The following ITGB3BP variants were observed in gnomAD, a reference collection of about 807,000 sequenced individuals.
ITGB3BP encodes the protein integrin subunit beta 3 binding protein.
In ITGB3BP, 27 loss-of-function variants were observed where a neutral mutation model predicts 29.1. The ratio of observed to expected loss-of-function variants is 0.93; its 90% CI spans 0.68 to 1.28. The LOEUF is 1.28. Among genes scored for constraint, ITGB3BP ranks in the 50% most tolerant of loss-of-function variants. The pLI is 0.00. For missense variants in ITGB3BP, 192 were observed against 200.2 expected (o/e 0.96, Z 0.25); for synonymous variants, 61 against 61.4 (o/e 0.99, Z 0.03).
At chr1:63,455,721 T>TA (rs1644925108) in intron 4 of ITGB3BP, among the ~76,000 whole-genome samples, 1 of 152,176 alleles carries the variant, frequency 6.6e-6, no homozygotes, top group Admixed American at 6.5e-5. Flanking sequence ...CATTCCCTTA[T>TA]TGTTAAAATT....
intron 7 of ITGB3BP, among the ~76,000 whole-genome samples, chr1:63,451,121 T>C (rs1276689062): frequency 1.3e-5 from 2 of 151,870 alleles, no homozygotes; most frequent in African/African-American, 2.4e-5. Flanking sequence ...GAGGCAATGA[T>C]AGCATAAATA....
At chr1:63,493,857 C>G (rs954146653) in intron 2 of ITGB3BP, among the ~76,000 whole-genome samples, 15 of 152,102 alleles carry the variant, frequency 9.9e-5, no homozygotes, top group African/African-American at 3.6e-4. Context: ...TTAAAGGATA[C>G]TTTATCACTA....
At chr1:63,473,244 G>A (rs1645243287) in intron 4 of ITGB3BP, among the ~76,000 whole-genome samples, 2 of 148,400 alleles carry the variant, frequency 1.3e-5, no homozygotes, top group African/African-American at 2.5e-5. Flanking sequence ...CCTGGCAACC[G>A]CCCCGTCTGA....
At chr1:63,496,798 C>CT (rs1645798428) in intron 2 of ITGB3BP, among the ~76,000 whole-genome samples, 1 of 152,180 alleles carries the variant, frequency 6.6e-6, no homozygotes, top group Non-Finnish European at 1.5e-5. Flanking sequence ...TGTCCCATGA[C>CT]TTGATCTCAT....
chr1:63,500,351 C>A (rs544496356), intron 2 of ITGB3BP, among the ~76,000 whole-genome samples: 1 of 151,988 alleles, frequency 6.6e-6, no homozygotes, highest in East Asian at 1.9e-4. Flanking sequence ...GCACTCCAGC[C>A]TGGGCAAAAG....
At chr1:63,476,559 C>T (rs913602103) in intron 4 of ITGB3BP, among the ~76,000 whole-genome samples, 1 of 152,168 alleles carries the variant, frequency 6.6e-6, no homozygotes, top group East Asian at 1.9e-4. Flanking sequence ...TTCCCTTGCT[C>T]CTTGAAGCCC....
At chr1:63,522,942 T>G (rs749407545) in intron 1 of ITGB3BP, 187 bp downstream of exon 1, 60 of 783,204 alleles carry the variant, frequency 7.7e-5, no homozygotes, top group Non-Finnish European at 1.2e-4. Flanking sequence ...AGGAGGACTA[T>G]CGTATGAGTA....
chr1:63,524,966 T>C (rs190010305), upstream of ITGB3BP, among the ~76,000 whole-genome samples: 1 of 152,304 alleles, frequency 6.6e-6, no homozygotes, highest in Admixed American at 6.5e-5. Context: ...TTTTAAAATA[T>C]AGCTATTTGA....
At chr1:63,483,062 G>A (rs181310679) in intron 3 of ITGB3BP, among the ~76,000 whole-genome samples, 12 of 152,038 alleles carry the variant, frequency 7.9e-5, no homozygotes, top group African/African-American at 2.7e-4. Flanking sequence ...GAAGGTTATC[G>A]CTGAGAAAAT....
At chr1:63,473,229 C>G (rs1227479658) in intron 4 of ITGB3BP, among the ~76,000 whole-genome samples, 1 of 151,492 alleles carries the variant, frequency 6.6e-6, no homozygotes, top group African/African-American at 2.4e-5. Flanking sequence ...TGAGGAAACC[C>G]TCTGCCTGGC....
intron 1 of ITGB3BP, among the ~76,000 whole-genome samples, chr1:63,521,512 T>C (rs1646444607): frequency 6.6e-6 from 1 of 152,148 alleles, no homozygotes; most frequent in Non-Finnish European, 1.5e-5. Flanking sequence ...CTTGTGTGCA[T>C]ATGTTAGGAA....
At chr1:63,463,230 C>T (rs1456758018) in intron 4 of ITGB3BP, among the ~76,000 whole-genome samples, 1 of 102,416 alleles carries the variant, frequency 9.8e-6, no homozygotes, top group Admixed American at 1.6e-4. Context: ...GCATGGGCAA[C>T]AAGAGCGAAA....
chr1:63,528,172 G>A (rs984405453), upstream of ITGB3BP, among the ~76,000 whole-genome samples: 6 of 152,014 alleles, frequency 3.9e-5, no homozygotes, highest in Non-Finnish European at 8.8e-5. Context: ...TGGAAGCAAC[G>A]TAAGAGTTCA....
intron 4 of ITGB3BP, among the ~76,000 whole-genome samples, chr1:63,463,249 C>CA (rs10693054): frequency 0.46 from 35,436 of 76,898 alleles, 9,250 homozygotes; most frequent in East Asian, 0.67. Flanking sequence ...AACTCTGTCT[C>CA]AAAAAAAAAA....
At chr1:63,477,522 T>G (rs1385321381) in intron 4 of ITGB3BP, among the ~76,000 whole-genome samples, 3 of 152,078 alleles carry the variant, frequency 2.0e-5, no homozygotes, top group Admixed American at 2.0e-4. Context: ...GGTTCAATAC[T>G]AGCCTGGGTA....
chr1:63,464,200 C>G (rs1645065095), intron 4 of ITGB3BP, among the ~76,000 whole-genome samples: 1 of 152,060 alleles, frequency 6.6e-6, no homozygotes, highest in Non-Finnish European at 1.5e-5. Context: ...AACAAGAAAA[C>G]CTATTTCAAA....
At chr1:63,447,284 T>G (rs539288461) in intron 7 of ITGB3BP, among the ~76,000 whole-genome samples, 9 of 152,276 alleles carry the variant, frequency 5.9e-5, no homozygotes, top group African/African-American at 2.2e-4. Context: ...AAATAGCAAT[T>G]TATAAGTATT....
intron 4 of ITGB3BP, among the ~76,000 whole-genome samples, chr1:63,462,793 T>C (rs1358513410): frequency 6.6e-6 from 1 of 152,174 alleles, no homozygotes; most frequent in Non-Finnish European, 1.5e-5. Flanking sequence ...CACAATTAAA[T>C]TGCATACATA....
At chr1:63,455,520 C>T (rs1326435438) in intron 4 of ITGB3BP, among the ~76,000 whole-genome samples, 2 of 152,064 alleles carry the variant, frequency 1.3e-5, no homozygotes, top group Non-Finnish European at 2.9e-5. Context: ...TCATGGCTCA[C>T]TGCAGCCTCA....
Sources: allele counts gnomAD v4.1 joint callset (sites outside exome capture counted in the v4.1 genomes callset), GRCh38; gene constraint gnomAD v4.1.1; transcripts MANE v1.5; gene names NCBI Gene and HGNC (gene_info 2026-07-23, HGNC 2026-07-21).